The following BPTF variants were observed in gnomAD, a reference collection of about 807,000 sequenced individuals.
BPTF encodes nucleosome-remodeling factor subunit BPTF.
Under a neutral mutation model 292.5 loss-of-function variants are expected in BPTF, and 18 were observed. The ratio of observed to expected loss-of-function variants is 0.06; its 90% CI spans 0.04 to 0.09. The LOEUF (loss-of-function observed/expected upper bound fraction) is 0.09. Among genes scored for constraint, BPTF ranks in the 10% least tolerant of loss-of-function variants. The pLI, the probability that BPTF is intolerant of heterozygous loss-of-function variation, is 1.00. For synonymous variants in BPTF, 1,225 were observed against 1,251.9 expected (o/e 0.98, Z 0.45); for missense variants, 2,726 against 3,498.7 (o/e 0.78, Z 5.57).
chr17:67,958,993 G>T lies in BPTF; in HGVS notation c.7927-548G>T, dbSNP rs552381373. On this transcript the variant is annotated intron_variant, in intron 23 of 27. Transcript: ENST00000306378. Reference sequence around the variant, plus strand: ...AAAAGAAAGTTATCTTTTAAAAAAAGAAAATAGTGCGTTATGTTGCACTAC... The same window carrying T: ...AAAAGAAAGTTATCTTTTAAAAAAATAAAATAGTGCGTTATGTTGCACTAC... 2.0e-5 allele frequency among the ~76,000 whole-genome samples: 3 copies of T among 152,308 alleles called. No individual in the cohort carries two copies. In the South Asian group the frequency reaches 6.2e-4, roughly 32 times the overall value.
chr17:67,899,621 C>T (rs1477020929), intron 7 of BPTF, among the ~76,000 whole-genome samples: 1 of 151,192 alleles, frequency 6.6e-6, no homozygotes, highest in Non-Finnish European at 1.5e-5. Context: ...ACCTCCACCT[C>T]CCGGGTTCGA....
rs1194058584 is a variant in BPTF, at chr17:67,917,131, C to CTTTTCCTTTCTTTTTTT, written c.5304-1579_5304-1578insCCTTTCTTTTTTTTTTT. 2.4e-4 allele frequency among the ~76,000 whole-genome samples: 25 copies of CTTTTCCTTTCTTTTTTT among 105,786 alleles called. 3 individuals are homozygous for CTTTTCCTTTCTTTTTTT. Among genetic ancestry groups the CTTTTCCTTTCTTTTTTT allele is most frequent in the African/African-American group, 9.0e-4 (25 of 27,634 alleles). 69.4% of individuals were successfully genotyped at this position (105,786 alleles called of 152,430 possible). A position where few individuals can be genotyped will look rare whatever the true frequency, so the allele number is the denominator to read the frequency against. ...GATAAGTAACTAATATGGTATTGTC[C>CTTTTCCTTTCTTTTTTT]TTTTTTTTTTTTTTTTTTTGAGATA... On this transcript the variant is annotated intron_variant, in intron 11 of 27. Transcript: ENST00000306378.
intron 1 of BPTF, among the ~76,000 whole-genome samples, chr17:67,842,982 A>G (rs2057682007): frequency 6.6e-6 from 1 of 151,774 alleles, no homozygotes; most frequent in Non-Finnish European, 1.5e-5. Flanking sequence ...GGGAAAATGT[A>G]AAAACACAAA....
rs1289392178 is a variant in BPTF, at chr17:67,892,061, A to G, written c.2055+27A>G. 5 of 1,479,558 alleles carry G rather than the reference A, an allele frequency of 3.4e-6. No homozygotes were observed. In the South Asian group the frequency reaches 6.7e-5, roughly 20 times the overall value. 91.7% of individuals were successfully genotyped at this position (1,479,558 alleles called of 1,614,324 possible). On this transcript the variant is annotated intron_variant, in intron 5 of 27. Transcript: ENST00000306378. ...TGTGTTCTTTCTGTTTAAAACAAAA[A>G]TCTGTGGAATGTGAGATAATTTTAA...
chr17:67,829,031 C>T (rs866865029), intron 1 of BPTF, among the ~76,000 whole-genome samples: 30 of 152,256 alleles, frequency 2.0e-4, no homozygotes, highest in Middle Eastern at 3.4e-3. Context: ...GTTTTGATAA[C>T]TCTACAGTGG....
chr17:67,875,558 C>T, intron 4 of BPTF: 3 of 1,508,216 alleles, frequency 2.0e-6, no homozygotes, highest in Non-Finnish European at 1.8e-6. Context: ...TGCTGTAGAG[C>T]CAACAGAAGT....
intron 2 of BPTF, among the ~76,000 whole-genome samples, chr17:67,865,552 A>C (rs910278988): frequency 3.3e-5 from 5 of 152,238 alleles, no homozygotes; most frequent in African/African-American, 1.2e-4. Flanking sequence ...GAGTGTATTT[A>C]AAGCCAGATC....
intron 13 of BPTF, among the ~76,000 whole-genome samples, chr17:67,921,533 A>G (rs889724881): frequency 1.3e-5 from 2 of 150,312 alleles, no homozygotes; most frequent in African/African-American, 5.0e-5. Context: ...TTCCAAGTAA[A>G]TAAATAAATA....
At chr17:67,949,262 G>T (rs1472907350) in intron 23 of BPTF, among the ~76,000 whole-genome samples, 3 of 152,052 alleles carry the variant, frequency 2.0e-5, no homozygotes, top group East Asian at 3.9e-4. Context: ...CTACTTGGGA[G>T]GCTAAGGCAG....
chr17:67,852,376 G>A (rs998810471), intron 1 of BPTF, among the ~76,000 whole-genome samples: 2 of 151,806 alleles, frequency 1.3e-5, no homozygotes, highest in African/African-American at 2.4e-5. Context: ...CCTGTCCCCC[G>A]ACTCTCCCCA....
chr17:67,858,526 G>C (rs1195748840), intron 2 of BPTF, among the ~76,000 whole-genome samples: 1 of 141,832 alleles, frequency 7.1e-6, no homozygotes, highest in Non-Finnish European at 1.5e-5. Flanking sequence ...CTGTACTCCA[G>C]CCTGGGTGAT....
intron 4 of BPTF, chr17:67,886,450 G>C (rs2060760164): frequency 1.8e-6 from 1 of 554,386 alleles, no homozygotes; most frequent in African/African-American, 2.0e-5. Flanking sequence ...AGTTTGGTGG[G>C]GGGTGGAATT....
intron 1 of BPTF, among the ~76,000 whole-genome samples, chr17:67,850,364 G>T (rs1484740271): frequency 6.6e-6 from 1 of 151,930 alleles, no homozygotes; most frequent in African/African-American, 2.4e-5. Context: ...TTGCCTCATG[G>T]TGTTTTTGTT....
In BPTF at chr17:67,982,232, CT is replaced by C; in HGVS notation, c.8727-14del. The C allele has an allele frequency of 6.2e-7, 1 of 1,606,762 alleles. No individual in the cohort carries two copies. Among genetic ancestry groups the C allele is most frequent in the Non-Finnish European group, 8.5e-7 (1 of 1,174,674 alleles). ...AAAATGAAGGGTGCTTAATTGTTCC[CT>C]TTTTTCTATATTCTGTAGGTCTCAT... On this transcript the variant is annotated intron_variant, in intron 27 of 27. Coordinates refer to ENST00000306378, the MANE Select transcript of BPTF (RefSeq NM_182641.4).
intron 4 of BPTF, chr17:67,886,130 G>T: frequency 1.3e-6 from 2 of 1,529,824 alleles, no homozygotes; most frequent in South Asian, 1.3e-5. Context: ...TTTTCTAGAA[G>T]AACCTAACAA....
intron 4 of BPTF, chr17:67,875,808 C>T: frequency 2.3e-6 from 3 of 1,279,862 alleles, no homozygotes; most frequent in Non-Finnish European, 3.0e-6. Flanking sequence ...GTAGTAAAAG[C>T]CGAATGTCAC....
chr17:67,909,561 T>C, intron 9 of BPTF, 21 bp from the exon 10 acceptor site: 1 of 1,476,434 alleles, frequency 6.8e-7, no homozygotes, highest in Non-Finnish European at 9.1e-7. Context: ...ACGTAAATTA[T>C]CGTTACATGG....
intron 1 of BPTF, among the ~76,000 whole-genome samples, chr17:67,838,421 A>T (rs1435801954): frequency 6.6e-6 from 1 of 152,242 alleles, no homozygotes; most frequent in Admixed American, 6.5e-5. Flanking sequence ...AAAACCCAGA[A>T]CATTAATATT....
chr17:67,939,294 A>T (rs1225289456), intron 18 of BPTF, among the ~76,000 whole-genome samples: 1 of 152,230 alleles, frequency 6.6e-6, no homozygotes, highest in East Asian at 1.9e-4. Flanking sequence ...TCATTCAGCC[A>T]TTAAGAGAAA....
Sources: gnomAD v4.1 joint callset for allele counts (sites outside exome capture counted in the v4.1 genomes callset) on GRCh38, gnomAD v4.1.1 for gene constraint, MANE v1.5 for transcripts, NCBI Gene and HGNC (gene_info 2026-07-23, HGNC 2026-07-21) for gene names.